MEIS1: variants seen among roughly 807,000 people sequenced by gnomAD.
MEIS1 encodes the protein homeobox protein Meis1.
A neutral mutation model predicts 50.8 loss-of-function variants in MEIS1; 5 were observed. That is an observed-to-expected ratio of 0.10 (90% CI 0.05 to 0.21). The LOEUF is 0.21. Ranked by LOEUF, MEIS1 falls within the 10% of genes least tolerant of loss-of-function variation. MEIS1 has a pLI of 1.00. For missense variants in MEIS1, 318 were observed against 517.3 expected, an observed-to-expected ratio of 0.61 and a Z score of 3.74; for synonymous variants, 176 against 179.3, an observed-to-expected ratio of 0.98 and a Z score of 0.15.
At chr2:66,531,752 G>A (rs1037658538) in intron 8 of MEIS1, among the ~76,000 whole-genome samples, 5 of 152,192 alleles carry the variant, frequency 3.3e-5, no homozygotes, top group African/African-American at 9.6e-5. Context: ...GCGGACGAAG[G>A]CCCTGTGTGT....
At chr2:66,559,364 T>C (rs989786778) in intron 9 of MEIS1, among the ~76,000 whole-genome samples, 2 of 152,322 alleles carry the variant, frequency 1.3e-5, no homozygotes, top group East Asian at 3.9e-4. Context: ...TAACAGTGCC[T>C]CTTCACTCTC....
At chr2:66,488,695 T>C (rs912439107) in intron 7 of MEIS1, among the ~76,000 whole-genome samples, 2 of 152,118 alleles carry the variant, frequency 1.3e-5, no homozygotes, top group African/African-American at 4.8e-5. Flanking sequence ...GAAAAAAATC[T>C]ATTGGTAAAA....
intron 7 of MEIS1, among the ~76,000 whole-genome samples, chr2:66,473,089 T>G (rs1213732992): frequency 6.6e-6 from 1 of 151,980 alleles, no homozygotes; most frequent in Non-Finnish European, 1.5e-5. Flanking sequence ...TGTAATATAG[T>G]AATATAAGGC....
At chr2:66,479,804 C>G (rs937129365) in intron 7 of MEIS1, among the ~76,000 whole-genome samples, 1 of 152,138 alleles carries the variant, frequency 6.6e-6, no homozygotes, top group Non-Finnish European at 1.5e-5. Flanking sequence ...AATCAAGAAG[C>G]CCCGGGCCAT....
rs1572890493 is a variant in MEIS1, at chr2:66,540,435, G to A, written c.889-7508G>A. ...GTGGATTCTCCTGCCTCAGCCTGCCGAGTAGATGGGATTACAGGCGCCTGA... is the reference window on the plus strand; with the variant it reads ...GTGGATTCTCCTGCCTCAGCCTGCCAAGTAGATGGGATTACAGGCGCCTGA... On this transcript the variant is annotated intron_variant, in intron 8 of 12. Coordinates refer to ENST00000272369, the MANE Select transcript of MEIS1 (RefSeq NM_002398.3). Among the ~76,000 whole-genome samples the A allele has an allele frequency of 2.6e-5, 4 of 152,124 alleles. No individual in the cohort carries two copies. In the South Asian group the frequency reaches 8.3e-4, roughly 32 times the overall value.
intron 7 of MEIS1, among the ~76,000 whole-genome samples, chr2:66,504,206 G>A (rs1428404660): frequency 6.6e-6 from 1 of 151,882 alleles, no homozygotes; most frequent in Non-Finnish European, 1.5e-5. Flanking sequence ...AAGGCTGTGA[G>A]CTCATTCCAC....
intron 8 of MEIS1, among the ~76,000 whole-genome samples, chr2:66,523,091 A>G (rs1674165585): frequency 6.6e-6 from 1 of 152,236 alleles, no homozygotes; most frequent in African/African-American, 2.4e-5. Context: ...TCGTTTTTAC[A>G]CTGTAAACAC....
intron 6 of MEIS1, among the ~76,000 whole-genome samples, chr2:66,447,106 C>G (rs948059316): frequency 6.6e-6 from 1 of 152,160 alleles, no homozygotes; most frequent in Non-Finnish European, 1.5e-5. Context: ...ACCTAATGTC[C>G]TGCATGGATG....
chr2:66,438,041 G>C, intron 2 of MEIS1, 78 bp downstream of exon 2: 2 of 1,271,822 alleles, frequency 1.6e-6, no homozygotes, highest in Non-Finnish European at 2.2e-6. Flanking sequence ...TAAGAGGAAA[G>C]TCAGAGTTCT....
chr2:66,472,836 T>C (rs555887741), intron 7 of MEIS1, among the ~76,000 whole-genome samples: 1 of 152,298 alleles, frequency 6.6e-6, no homozygotes, highest in South Asian at 2.1e-4. Flanking sequence ...CTCTGCTGTC[T>C]GAACCATTGG....
At chr2:66,539,592 A>G (rs1244757665) in intron 8 of MEIS1, among the ~76,000 whole-genome samples, 4 of 152,168 alleles carry the variant, frequency 2.6e-5, no homozygotes, top group Admixed American at 2.6e-4. Flanking sequence ...TTCGTCATCT[A>G]TCAAATGGGT....
intron 9 of MEIS1, among the ~76,000 whole-genome samples, chr2:66,561,107 A>G (rs1170856214): frequency 6.6e-6 from 1 of 152,234 alleles, no homozygotes; most frequent in Admixed American, 6.5e-5. Flanking sequence ...TCTAAAATAA[A>G]GAGTTCCAAC....
intron 7 of MEIS1, among the ~76,000 whole-genome samples, chr2:66,508,131 A>G (rs887618757): frequency 2.0e-5 from 3 of 152,216 alleles, no homozygotes; most frequent in Admixed American, 6.5e-5. Context: ...GAAACTGAAA[A>G]GTGTGGCCAA....
At chr2:66,463,211 C>T (rs1672560327) in intron 6 of MEIS1, among the ~76,000 whole-genome samples, 2 of 151,242 alleles carry the variant, frequency 1.3e-5, no homozygotes, top group Admixed American at 6.6e-5. Context: ...ACGAGATGAT[C>T]CTGTTTTCCC....
chr2:66,547,426 G>A (rs1254909932), intron 8 of MEIS1, among the ~76,000 whole-genome samples: 2 of 152,042 alleles, frequency 1.3e-5, no homozygotes, highest in African/African-American at 4.8e-5. Flanking sequence ...AAAATGAATA[G>A]TGTATGTGTG....
chr2:66,467,617 C>A (rs1352609408), intron 7 of MEIS1, among the ~76,000 whole-genome samples: 1 of 151,808 alleles, frequency 6.6e-6, no homozygotes, highest in Non-Finnish European at 1.5e-5. Context: ...AAAAAAAAAT[C>A]CAATCGTGGG....
chr2:66,492,867 G>A (rs900165702), intron 7 of MEIS1, among the ~76,000 whole-genome samples: 4 of 152,262 alleles, frequency 2.6e-5, no homozygotes, highest in African/African-American at 9.6e-5. Context: ...AATGAGAGTT[G>A]CATCTTCTTA....
chr2:66,516,577 TTGTGTGTGTGTG>T (rs59154318), intron 8 of MEIS1, among the ~76,000 whole-genome samples: 1 of 148,132 alleles, frequency 6.8e-6, no homozygotes, highest in Non-Finnish European at 1.5e-5. Flanking sequence ...CCTGGAAAAT[TTGTGTGTGTGTG>T]TGTGTGTGTG....
chr2:66,564,247 A>T (rs572516119), intron 9 of MEIS1, among the ~76,000 whole-genome samples: 2 of 152,300 alleles, frequency 1.3e-5, no homozygotes, highest in Admixed American at 1.3e-4. Context: ...TCCCCCTTTG[A>T]TATCTACACA....
Sources: allele counts gnomAD v4.1 joint callset (sites outside exome capture counted in the v4.1 genomes callset), GRCh38; gene constraint gnomAD v4.1.1; transcripts MANE v1.5; gene names NCBI Gene and HGNC (gene_info 2026-07-23, HGNC 2026-07-21).